The following ACADS variants were observed in gnomAD, a reference collection of about 807,000 sequenced individuals.
ACADS encodes the protein short-chain specific acyl-CoA dehydrogenase, mitochondrial.
A neutral mutation model predicts 46.8 loss-of-function variants in ACADS; 28 were observed. The ratio of observed to expected loss-of-function variants is 0.60; its 90% CI spans 0.44 to 0.82. The LOEUF (loss-of-function observed/expected upper bound fraction) is 0.82, where lower values mean the gene tolerates loss of function less well. ACADS is among the 40% of genes least tolerant of loss of function. The probability of loss-of-function intolerance (pLI) is 0.00; values close to 1 mark genes in which losing one functional copy is unlikely to be tolerated. For missense variants in ACADS, 528 were observed against 578.0 expected, an observed-to-expected ratio of 0.91 and a Z score of 0.89; for synonymous variants, 236 against 237.7, an observed-to-expected ratio of 0.99 and a Z score of 0.07.
At chr12:120,739,067 G>A in intron 8 of ACADS, 73 bp from the exon 9 acceptor site, 1 of 1,606,158 alleles carries the variant, frequency 6.2e-7, no homozygotes, top group East Asian at 2.2e-5. Flanking sequence ...GGCCTCCCCT[G>A]CTGAGGGAGT....
intron 2 of ACADS, among the ~76,000 whole-genome samples, chr12:120,730,988 C>T (rs1883231236): frequency 6.6e-6 from 1 of 152,150 alleles, no homozygotes; most frequent in African/African-American, 2.4e-5. Context: ...CACTGTCGCC[C>T]AGGCTGGAGT....
Position 120,738,514 on chromosome 12 carries a change from A to G in ACADS, c.796-19A>G, listed in dbSNP as rs1279002467. The G allele has an allele frequency of 6.2e-7, 1 of 1,607,006 alleles. No homozygotes were observed. The highest frequency in any genetic ancestry group is 8.5e-7 in the Non-Finnish European group (1 of 1,179,704). On this transcript the variant is annotated intron_variant, in intron 6 of 9. Coordinates refer to ENST00000242592, the MANE Select transcript of ACADS (RefSeq NM_000017.4). ...CCGCGCCCCGGCTGGCGGGCCACTG[A>G]CCAGGGCGGTCCCCACAGCAAACCC...
chr12:120,733,948 T>C (rs1883352264), intron 2 of ACADS, among the ~76,000 whole-genome samples: 1 of 151,926 alleles, frequency 6.6e-6, no homozygotes, highest in Admixed American at 6.6e-5. Context: ...AGGCATCCAG[T>C]GTGGGTCCCA....
At chr12:120,735,692 A>G (rs1362116890) in intron 2 of ACADS, among the ~76,000 whole-genome samples, 1 of 152,006 alleles carries the variant, frequency 6.6e-6, no homozygotes, top group Non-Finnish European at 1.5e-5. Context: ...CGAGGTCGGG[A>G]GTTCAAGACC....
At chr12:120,726,001 G>T in intron 1 of ACADS, 70 bp downstream of exon 1, 2 of 1,443,064 alleles carry the variant, frequency 1.4e-6, no homozygotes, top group South Asian at 1.3e-5. Context: ...AGGTCCTGGC[G>T]GCCGGCTCTG....
At chr12:120,726,922 A>G (rs1883101958) in intron 1 of ACADS, 104 bp from the exon 2 acceptor site, 1 of 1,294,204 alleles carries the variant, frequency 7.7e-7, no homozygotes, top group African/African-American at 1.5e-5. Flanking sequence ...ACATTGCCAG[A>G]TGTCCCTTGG....
chr12:120,739,222 G>A (rs1592941420), intron 9 of ACADS, 26 bp downstream of exon 9: 2 of 1,613,002 alleles, frequency 1.2e-6, no homozygotes, highest in East Asian at 4.5e-5. Flanking sequence ...GAGCTCTGAG[G>A]GGGCCAGCTG....
Position 120,725,847 on chromosome 12 carries a change from A to G in ACADS, c.-39A>G. The G allele has an allele frequency of 1.3e-6, 2 of 1,529,734 alleles. No homozygotes were observed. Among genetic ancestry groups the G allele is most frequent in the South Asian group, 1.2e-5 (1 of 83,454 alleles). 94.8% of individuals were successfully genotyped at this position (1,529,734 alleles called of 1,614,324 possible). On this transcript the variant is annotated 5_prime_UTR_variant, in exon 1 of 10. Transcript: ENST00000242592. Reference sequence around the variant, plus strand: ...CAGCACTCCGGAACAGCGCGCTCGCAGCGGGAGGTCGCGAAGCCTGGGACT... The same window carrying G: ...CAGCACTCCGGAACAGCGCGCTCGCGGCGGGAGGTCGCGAAGCCTGGGACT...
intron 2 of ACADS, among the ~76,000 whole-genome samples, chr12:120,732,241 C>T (rs1323539566): frequency 4.6e-5 from 7 of 150,594 alleles, no homozygotes; most frequent in African/African-American, 7.3e-5. Context: ...ACCTCCCGGA[C>T]GGGGCGGCTG....
intron 2 of ACADS, among the ~76,000 whole-genome samples, chr12:120,734,286 C>T (rs147040592): frequency 6.6e-6 from 1 of 152,354 alleles, no homozygotes; most frequent in East Asian, 1.9e-4. Flanking sequence ...CGGTTGCTGT[C>T]ATGCTGCCTT....
chr12:120,737,525 G>A, intron 4 of ACADS, 58 bp downstream of exon 4: 1 of 1,490,572 alleles, frequency 6.7e-7, no homozygotes. Context: ...GGGAGGAGAG[G>A]AAGGTGCTAG....
At chr12:120,736,359 A>G (rs1883435360) in intron 2 of ACADS, among the ~76,000 whole-genome samples, 1 of 152,172 alleles carries the variant, frequency 6.6e-6, no homozygotes, top group Non-Finnish European at 1.5e-5. Flanking sequence ...GGCCTTGGGC[A>G]TGTAGCAGTG....
At position 120,737,443 on chromosome 12, in the gene ACADS, G is replaced by T; in HGVS notation, c.448G>T (p.Gly150Cys). The change falls in exon 4 of 10, where the codon GGC becomes TGC. Residue 150 changes from glycine to cysteine, a missense_variant. Physicochemically the swap from Gly to Cys is radical, Grantham distance 159. Transcript: ENST00000242592. Reference protein sequence around the residue: ...VTPFTSGDKIGCFALSEPGNG... With the variant: ...VTPFTSGDKICCFALSEPGNG... The stretch of plus-strand genomic sequence containing the variant: ...GCCTTTCACCAGTGGTGACAAAATT[G>T]GCTGCTTTGCCCTCAGCGAACCAGG... The T allele has an allele frequency of 6.2e-7, 1 of 1,614,156 alleles. No individual in the cohort carries two copies. Among genetic ancestry groups the T allele is most frequent in the South Asian group, 1.1e-5 (1 of 91,088 alleles).
intron 2 of ACADS, among the ~76,000 whole-genome samples, chr12:120,732,048 C>G (rs914363122): frequency 6.6e-6 from 1 of 152,280 alleles, no homozygotes; most frequent in Non-Finnish European, 1.5e-5. Context: ...TCTACACAGA[C>G]ACAGCAACCA....
chr12:120,730,089 T>A (rs558022496), intron 2 of ACADS, among the ~76,000 whole-genome samples: 1 of 151,992 alleles, frequency 6.6e-6, no homozygotes, highest in Non-Finnish European at 1.5e-5. Context: ...TTCAAGCAAT[T>A]TTCCTGCCTC....
chr12:120,732,103 C>T (rs1344648816), intron 2 of ACADS, among the ~76,000 whole-genome samples: 2 of 152,236 alleles, frequency 1.3e-5, no homozygotes, highest in Non-Finnish European at 2.9e-5. Flanking sequence ...TTTTCTATTC[C>T]ACAAAACTGC....
chr12:120,738,549 G>T lies in ACADS; in HGVS notation c.812G>T (p.Gly271Val), dbSNP rs796051902. The T allele has an allele frequency of 5.0e-6, 8 of 1,610,364 alleles. No individual in the cohort carries two copies. The highest frequency in any genetic ancestry group is 6.8e-6 in the Non-Finnish European group (8 of 1,179,896). The change falls in exon 7 of 10, where the codon GGC (glycine) becomes GTC (valine). Residue 271 changes from glycine (G) to valine (V), a missense_variant. Gly to Val is a moderately radical substitution (Grantham distance 109). Transcript: ENST00000242592. The stretch of plus-strand genomic sequence containing the variant: ...TCCCCACAGCAAACCCTGGACATGG[G>T]CCGCATCGGCATCGCCTCCCAGGCC... ...FKIAMQTLDM[G>V]RIGIASQALG...
At chr12:120,738,504 C>G (rs367816265) in intron 6 of ACADS, 29 bp from the exon 7 acceptor site, 1 of 1,605,870 alleles carries the variant, frequency 6.2e-7, no homozygotes. Flanking sequence ...CCCCGGCTGG[C>G]GGGCCACTGA....
chr12:120,737,092 G>T lies in ACADS; in HGVS notation c.317G>T (p.Ser106Ile), dbSNP rs1428192214. Residue 106 changes from serine to isoleucine, a missense_variant, in exon 3 of 10, where the codon AGC (serine) becomes ATC (isoleucine). Physicochemically the swap from Ser to Ile is moderately radical, Grantham distance 142. Coordinates refer to ENST00000242592, the MANE Select transcript of ACADS (RefSeq NM_000017.4). ...LAYAIAMEEI[S>I]RGCASTGVIM... ...TACGCCATCGCCATGGAGGAGATCA[G>T]CCGTGGCTGCGCCTCCACCGGAGTC... The T allele has an allele frequency of 6.3e-7, 1 of 1,598,112 alleles. No individual in the cohort carries two copies. The highest frequency in any genetic ancestry group is 1.7e-5 in the Admixed American group (1 of 58,062).
Sources: gnomAD v4.1 joint callset for allele counts (sites outside exome capture counted in the v4.1 genomes callset) on GRCh38, gnomAD v4.1.1 for gene constraint, MANE v1.5 for transcripts, NCBI Gene and HGNC (gene_info 2026-07-23, HGNC 2026-07-21) for gene names.